The following UBE2D3 variants were observed in gnomAD, a reference collection of about 807,000 sequenced individuals.
The protein encoded by UBE2D3 is ubiquitin-conjugating enzyme E2 D3.
UBE2D3 carries 2 observed loss-of-function variants against 22.8 expected under a neutral mutation model. That is an observed-to-expected ratio of 0.09 (90% CI 0.04 to 0.28). The LOEUF is 0.28. Ranked by LOEUF, UBE2D3 falls within the 10% of genes least tolerant of loss-of-function variation. The probability of loss-of-function intolerance (pLI) is 1.00; values close to 1 mark genes in which losing one functional copy is unlikely to be tolerated. For missense variants in UBE2D3, 27 were observed against 182.5 expected (o/e 0.15, Z 4.91); for synonymous variants, 56 against 60.4 (o/e 0.93, Z 0.34).
intron 1 of UBE2D3, among the ~76,000 whole-genome samples, chr4:102,835,470 G>A (rs1285487478): frequency 1.3e-5 from 2 of 152,190 alleles, no homozygotes; most frequent in Non-Finnish European, 2.9e-5. Flanking sequence ...AAGTATATTA[G>A]AGATAAACAT....
chr4:102,814,047 G>C (rs1728441803), intron 2 of UBE2D3, among the ~76,000 whole-genome samples: 1 of 152,140 alleles, frequency 6.6e-6, no homozygotes, highest in South Asian at 2.1e-4. Context: ...CCCTTTATAT[G>C]CTTGTCTGTA....
At chr4:102,827,906 C>G, upstream of UBE2D3, 4 of 985,488 alleles carry the variant, frequency 4.1e-6, no homozygotes, top group Non-Finnish European at 4.8e-6. Flanking sequence ...GCGATCCAGC[C>G]CCACGCCCCT....
intron 1 of UBE2D3, chr4:102,868,645 C>T: frequency 6.2e-7 from 1 of 1,610,712 alleles, no homozygotes; most frequent in Non-Finnish European, 8.5e-7. Flanking sequence ...AACCCTAGGG[C>T]CACAGCACCC....
intron 1 of UBE2D3, among the ~76,000 whole-genome samples, chr4:102,846,867 C>G (rs552042709): frequency 1.1e-4 from 16 of 151,522 alleles, no homozygotes; most frequent in Admixed American, 9.9e-4. Flanking sequence ...TAGTCTTGAA[C>G]TCCTGGGCTC....
In UBE2D3 at chr4:102,839,267, CTTCT is replaced by C. The variant is rs1179691654; in HGVS notation, c.-128-12635_-128-12632del. Among the ~76,000 whole-genome samples the C allele has an allele frequency of 2.0e-5, 3 of 152,100 alleles. No individual in the cohort carries two copies. The East Asian group carries it at 5.8e-4, about 29-fold the overall frequency. The stretch of plus-strand genomic sequence containing the variant: ...AAGAAATATATCATATGACTTTCTT[CTTCT>C]TTCTTACTTTTTTGAGACAGGGTCT... On this transcript the variant is annotated intron_variant, in intron 1 of 7. Transcript: ENST00000338145.
intron 1 of UBE2D3, among the ~76,000 whole-genome samples, chr4:102,844,836 T>C (rs1457522442): frequency 6.6e-6 from 1 of 151,764 alleles, no homozygotes; most frequent in African/African-American, 2.4e-5. Flanking sequence ...CTGGATAACA[T>C]GGTGAAACCC....
intron 1 of UBE2D3, among the ~76,000 whole-genome samples, chr4:102,845,036 AAAAAG>A (rs897483405): frequency 6.6e-6 from 1 of 151,062 alleles, no homozygotes; most frequent in African/African-American, 2.4e-5. Flanking sequence ...AAAAAAAAAA[AAAAAG>A]AATTCTACCC....
chr4:102,808,785 A>T (rs1335807550), intron 4 of UBE2D3, among the ~76,000 whole-genome samples: 1 of 152,224 alleles, frequency 6.6e-6, no homozygotes, highest in East Asian at 1.9e-4. Flanking sequence ...CATTTGAGAC[A>T]GAAAAATGAC....
At chr4:102,820,443 A>C (rs1388707739) in intron 2 of UBE2D3, among the ~76,000 whole-genome samples, 1 of 152,240 alleles carries the variant, frequency 6.6e-6, no homozygotes, top group Non-Finnish European at 1.5e-5. Context: ...TTAAGGTTTA[A>C]CAGTAGGCAC....
intron 1 of UBE2D3, among the ~76,000 whole-genome samples, chr4:102,846,950 G>T (rs75376481): frequency 6.6e-6 from 1 of 151,754 alleles, no homozygotes; most frequent in Admixed American, 6.6e-5. Context: ...AGCCCCAGCC[G>T]GTAAATTCTG....
intron 1 of UBE2D3, among the ~76,000 whole-genome samples, chr4:102,858,858 T>C (rs1732750322): frequency 6.6e-6 from 1 of 152,032 alleles, no homozygotes; most frequent in African/African-American, 2.4e-5. Flanking sequence ...TACATTTTTA[T>C]ATTGTGCATC....
upstream of UBE2D3, chr4:102,828,069 G>C: frequency 1.0e-6 from 1 of 985,462 alleles, no homozygotes; most frequent in Non-Finnish European, 1.2e-6. Context: ...AAATGCATAA[G>C]TTCTCGCGAG....
At chr4:102,826,895 G>A in intron 1 of UBE2D3, 2 of 1,051,350 alleles carry the variant, frequency 1.9e-6, no homozygotes, top group Non-Finnish European at 2.3e-6. Flanking sequence ...GGAGAAAGGG[G>A]TGGGTGCGGG....
chr4:102,832,550 A>T (rs1420178708), upstream of UBE2D3, among the ~76,000 whole-genome samples: 6 of 152,286 alleles, frequency 3.9e-5, no homozygotes, highest in East Asian at 5.8e-4. Flanking sequence ...GAAAAACAGG[A>T]TGTTAATGAA....
At chr4:102,801,107 T>C (rs867208960) in intron 6 of UBE2D3, among the ~76,000 whole-genome samples, 7 of 151,960 alleles carry the variant, frequency 4.6e-5, no homozygotes, top group African/African-American at 1.4e-4. Context: ...TAAGTTTAGG[T>C]ATATCATACC....
chr4:102,821,962 AT>A (rs907263693), intron 2 of UBE2D3, among the ~76,000 whole-genome samples: 1 of 151,664 alleles, frequency 6.6e-6, no homozygotes, highest in African/African-American at 2.4e-5. Context: ...AATCTGAAAC[AT>A]TTTTTTATCT....
chr4:102,813,280 G>A (rs1404235962), intron 2 of UBE2D3, among the ~76,000 whole-genome samples: 1 of 152,176 alleles, frequency 6.6e-6, no homozygotes, highest in Non-Finnish European at 1.5e-5. Context: ...CAGAACTCCT[G>A]GGCTCAAGGG....
At chr4:102,836,866 G>T (rs920273516) in intron 1 of UBE2D3, among the ~76,000 whole-genome samples, 1 of 151,960 alleles carries the variant, frequency 6.6e-6, no homozygotes, top group Non-Finnish European at 1.5e-5. Context: ...TATTCCTTTT[G>T]TCAGTATTTA....
chr4:102,828,179 C>T, upstream of UBE2D3: 5 of 985,462 alleles, frequency 5.1e-6, no homozygotes, highest in Non-Finnish European at 6.0e-6. Flanking sequence ...TGGAATTCCC[C>T]AGACTGGTAA....
Sources: allele counts gnomAD v4.1 joint callset (sites outside exome capture counted in the v4.1 genomes callset), GRCh38; gene constraint gnomAD v4.1.1; transcripts MANE v1.5; gene names NCBI Gene and HGNC (gene_info 2026-07-23, HGNC 2026-07-21).